Variants in XKR4 observed in about 807,000 individuals in gnomAD.
The protein encoded by XKR4 is XK related 4, also known as XK-related protein 4.
XKR4 carries 12 observed loss-of-function variants against 53.9 expected under a neutral mutation model. The observed-to-expected ratio is 0.22, with a 90% CI of 0.14 to 0.36. The LOEUF (loss-of-function observed/expected upper bound fraction) is 0.36, where lower values mean the gene tolerates loss of function less well. Ranked by LOEUF, XKR4 falls within the 10% of genes least tolerant of loss-of-function variation. XKR4 has a pLI of 1.00. For missense variants in XKR4, 799 were observed against 859.5 expected (o/e 0.93, Z 0.88); for synonymous variants, 354 against 362.4 (o/e 0.98, Z 0.26).
chr8:55,472,970 A>T (rs1209476858), intron 2 of XKR4, among the ~76,000 whole-genome samples: 1 of 152,064 alleles, frequency 6.6e-6, no homozygotes, highest in Non-Finnish European at 1.5e-5. Flanking sequence ...AGTATGGCAT[A>T]AAGGGGCTAG....
chr8:55,438,341 A>T (rs1805208847), intron 2 of XKR4, among the ~76,000 whole-genome samples: 1 of 152,132 alleles, frequency 6.6e-6, no homozygotes, highest in South Asian at 2.1e-4. Context: ...TAATCCAAGC[A>T]CTTTGGGAGG....
chr8:55,470,152 G>A (rs1269616742), intron 2 of XKR4, among the ~76,000 whole-genome samples: 2 of 152,144 alleles, frequency 1.3e-5, no homozygotes, highest in East Asian at 1.9e-4. Flanking sequence ...CACAAGGGTG[G>A]ACTAGCAAGG....
chr8:55,313,672 G>A (rs151192629), intron 1 of XKR4, among the ~76,000 whole-genome samples: 1 of 152,318 alleles, frequency 6.6e-6, no homozygotes, highest in East Asian at 1.9e-4. Context: ...ATTCCTCAAT[G>A]CCATTCTTTT....
rs550364359 is a variant in XKR4 at position 55,524,380 on chromosome 8, G to T, written c.*153G>T. 32 of 790,478 alleles carry T rather than the reference G, an allele frequency of 4.0e-5. No homozygotes were observed. The Admixed American group carries it at 5.6e-4, about 14-fold the overall frequency. 49.0% of individuals were successfully genotyped at this position (790,478 alleles called of 1,614,324 possible). A position where few individuals can be genotyped will look rare whatever the true frequency, so the allele number is the denominator to read the frequency against. On this transcript the variant is annotated 3_prime_UTR_variant, in exon 3 of 3. Coordinates refer to ENST00000327381, the MANE Select transcript of XKR4 (RefSeq NM_052898.2). ...TTATCATTTGATCCTGTCGGCTGGG[G>T]GCGGCTGGTCTCCTTCCAAAGCAGC...
chr8:55,397,683 A>G (rs1244311225), intron 2 of XKR4, among the ~76,000 whole-genome samples: 4 of 150,444 alleles, frequency 2.7e-5, no homozygotes, highest in East Asian at 2.0e-4. Flanking sequence ...AGTGCACACG[A>G]CTCCCAAGCC....
chr8:55,405,125 C>A (rs77369580), intron 2 of XKR4, among the ~76,000 whole-genome samples: 3,264 of 152,288 alleles, frequency 0.021, 42 homozygotes, highest in Middle Eastern at 0.037. Context: ...TCCTGAGACA[C>A]CAGTGCTAAC....
chr8:55,179,747 T>C (rs1367117567), intron 1 of XKR4, among the ~76,000 whole-genome samples: 1 of 152,180 alleles, frequency 6.6e-6, no homozygotes, highest in Non-Finnish European at 1.5e-5. Flanking sequence ...TAGTACAGAA[T>C]GGATTATAAG....
At chr8:55,328,108 T>A (rs1000984031) in intron 1 of XKR4, among the ~76,000 whole-genome samples, 1 of 152,122 alleles carries the variant, frequency 6.6e-6, no homozygotes, top group African/African-American at 2.4e-5. Flanking sequence ...TGAGACTCAC[T>A]CACTATCAAG....
chr8:55,368,807 A>G (rs1264221887), intron 2 of XKR4, among the ~76,000 whole-genome samples: 1 of 152,222 alleles, frequency 6.6e-6, no homozygotes, highest in Non-Finnish European at 1.5e-5. Context: ...AAGCTACTTC[A>G]GTTTGTATTG....
Position 55,364,636 on chromosome 8 carries a change from T to G in XKR4, c.1006+6759T>G, listed in dbSNP as rs2658887. Among the ~76,000 whole-genome samples the G allele has an allele frequency of 1.3e-4, 19 of 150,702 alleles. No homozygotes were observed. In the East Asian group the frequency reaches 2.7e-3, roughly 22 times the overall value. The stretch of plus-strand genomic sequence containing the variant: ...TTTGTTTTGTTTTGTTTTGTTGGGG[T>G]TTTTTTTGTTTTCTGAGACAGAGTC... On this transcript the variant is annotated intron_variant, in intron 2 of 2. Transcript: ENST00000327381.
chr8:55,178,879 T>A (rs543784452), intron 1 of XKR4, among the ~76,000 whole-genome samples: 1 of 152,178 alleles, frequency 6.6e-6, no homozygotes, highest in African/African-American at 2.4e-5. Context: ...TACCTTGGTG[T>A]TCCCCAAAGA....
chr8:55,281,276 C>A (rs1303613498), intron 1 of XKR4, among the ~76,000 whole-genome samples: 1 of 152,086 alleles, frequency 6.6e-6, no homozygotes, highest in Non-Finnish European at 1.5e-5. Context: ...AAATAATGAT[C>A]CTCTGACCTC....
At chr8:55,365,047 GT>G (rs1803956418) in intron 2 of XKR4, among the ~76,000 whole-genome samples, 1 of 152,252 alleles carries the variant, frequency 6.6e-6, no homozygotes, top group South Asian at 2.1e-4. Flanking sequence ...GTGAAAGAGA[GT>G]TGTTTCTATG....
Position 55,524,300 on chromosome 8 carries a change from T to C in XKR4, c.*73T>C. 7.0e-7 allele frequency: 1 copy of C among 1,431,950 alleles called. No homozygotes were observed. Among genetic ancestry groups the C allele is most frequent in the Non-Finnish European group, 9.6e-7 (1 of 1,046,188 alleles). 88.7% of individuals were successfully genotyped at this position (1,431,950 alleles called of 1,614,324 possible). A position where few individuals can be genotyped will look rare whatever the true frequency, so the allele number is the denominator to read the frequency against. On this transcript the variant is annotated 3_prime_UTR_variant, in exon 3 of 3. Coordinates refer to ENST00000327381, the MANE Select transcript of XKR4 (RefSeq NM_052898.2). ...GCAGGGCTGTGGCCATAATGACACT[T>C]CATCCTAGAGCAGGGCAGTGAGCCG...
At chr8:55,382,413 AC>A (rs376214198) in intron 2 of XKR4, among the ~76,000 whole-genome samples, 13 of 152,378 alleles carry the variant, frequency 8.5e-5, no homozygotes, top group African/African-American at 2.6e-4. Flanking sequence ...AAAATATGAT[AC>A]TGAATTACTG....
At chr8:55,269,009 G>A (rs963276754) in intron 1 of XKR4, among the ~76,000 whole-genome samples, 15 of 152,134 alleles carry the variant, frequency 9.9e-5, no homozygotes, top group African/African-American at 3.6e-4. Flanking sequence ...AATGACTTAG[G>A]CCACTTATGG....
intron 1 of XKR4, among the ~76,000 whole-genome samples, chr8:55,302,022 G>T (rs1372280319): frequency 6.6e-6 from 1 of 152,144 alleles, no homozygotes; most frequent in Non-Finnish European, 1.5e-5. Context: ...TGTCAATTAT[G>T]GCTTTTGTTG....
chr8:55,513,324 G>A (rs564200634), intron 2 of XKR4, among the ~76,000 whole-genome samples: 35 of 152,256 alleles, frequency 2.3e-4, no homozygotes, highest in African/African-American at 7.7e-4. Flanking sequence ...GTGGGCCATC[G>A]AATTCACATG....
At chr8:55,422,449 A>T (rs1804948649) in intron 2 of XKR4, among the ~76,000 whole-genome samples, 1 of 152,204 alleles carries the variant, frequency 6.6e-6, no homozygotes, top group Non-Finnish European at 1.5e-5. Context: ...CCTCACAAAC[A>T]GTAGAGGATT....
Sources: gnomAD v4.1 joint callset for allele counts (sites outside exome capture counted in the v4.1 genomes callset) on GRCh38, gnomAD v4.1.1 for gene constraint, MANE v1.5 for transcripts, NCBI Gene and HGNC (gene_info 2026-07-23, HGNC 2026-07-21) for gene names.